FREM3: variants seen among roughly 807,000 people sequenced by gnomAD.
FREM3 encodes the protein FRAS1 related extracellular matrix 3.
Under a neutral mutation model 129.1 loss-of-function variants are expected in FREM3, and 105 were observed. That is an observed-to-expected ratio of 0.81 (90% CI 0.69 to 0.96). The LOEUF is 0.96. Ranked by LOEUF, FREM3 falls within the 40% of genes least tolerant of loss-of-function variation. FREM3 has a pLI of 0.00. For synonymous variants in FREM3, 1,014 were observed against 1,044.9 expected, an observed-to-expected ratio of 0.97 and a Z score of 0.57; for missense variants, 2,593 against 2,666.3, an observed-to-expected ratio of 0.97 and a Z score of 0.61.
intron 2 of FREM3, among the ~76,000 whole-genome samples, chr4:143,656,833 T>C (rs961169525): frequency 6.6e-6 from 1 of 152,186 alleles, no homozygotes; most frequent in African/African-American, 2.4e-5. Context: ...TCAATAAAAC[T>C]GTTAAAAATA....
intron 2 of FREM3, among the ~76,000 whole-genome samples, chr4:143,656,646 G>T (rs939269506): frequency 6.6e-6 from 1 of 152,128 alleles, no homozygotes; most frequent in Non-Finnish European, 1.5e-5. Flanking sequence ...GGTTGCTAAG[G>T]CCGAGAGTAG....
chr4:143,599,803 G>A (rs73852627), intron 6 of FREM3, among the ~76,000 whole-genome samples: 2,931 of 142,960 alleles, frequency 0.021, 92 homozygotes, highest in African/African-American at 0.072. Context: ...CTAGCCTCCA[G>A]GGAAATATCA....
In FREM3 at chr4:143,698,987, A is replaced by G. The variant is rs1578876859; in HGVS notation, c.1689T>C (p.Ser563=). Residue 563 remains serine, a synonymous_variant, in exon 1 of 8, where the codon TCT becomes TCC. Transcript: ENST00000329798. ...SLTEGQVVQI[S]PFVLSATDID... ...TATCAGTAGCACTCAGTACAAAGGG[A>G]GAGATCTGGACCACCTGCCCTTCAG... 7 of 1,537,256 alleles carry G rather than the reference A, an allele frequency of 4.6e-6. No individual in the cohort carries two copies. The highest frequency in any genetic ancestry group is 6.1e-6 in the Non-Finnish European group (7 of 1,146,886).
In FREM3 at chr4:143,677,461, A is replaced by C. The variant is rs187048066; in HGVS notation, c.5275+15652T>G. On this transcript the variant is annotated intron_variant, in intron 2 of 7. Transcript: ENST00000329798. ...AACCCTAGAAGAAAACCTAGGCAAT[A>C]CCATTCAGGACATAGGCATGGGCAA... 5.9e-3 allele frequency among the ~76,000 whole-genome samples: 900 copies of C among 152,334 alleles called. 7 individuals carry two copies. The highest frequency in any genetic ancestry group is 0.016 in the African/African-American group (680 of 41,560).
intron 6 of FREM3, among the ~76,000 whole-genome samples, chr4:143,589,628 G>A (rs546752276): frequency 6.6e-6 from 1 of 152,310 alleles, no homozygotes; most frequent in Non-Finnish European, 1.5e-5. Context: ...CTACCATGCT[G>A]TTTTGGTTAC....
intron 6 of FREM3, among the ~76,000 whole-genome samples, chr4:143,598,565 C>T (rs1328869240): frequency 6.6e-6 from 1 of 152,106 alleles, no homozygotes; most frequent in Non-Finnish European, 1.5e-5. Flanking sequence ...CTCTTCTCCT[C>T]CTTCCTCAAA....
At chr4:143,670,921 G>A (rs1320025609) in intron 2 of FREM3, among the ~76,000 whole-genome samples, 1 of 151,920 alleles carries the variant, frequency 6.6e-6, no homozygotes, top group Non-Finnish European at 1.5e-5. Context: ...CATTTTTATG[G>A]AGAGAAACAT....
intron 6 of FREM3, among the ~76,000 whole-genome samples, chr4:143,607,346 C>A (rs1055077737): frequency 6.6e-6 from 1 of 152,158 alleles, no homozygotes; most frequent in Non-Finnish European, 1.5e-5. Flanking sequence ...CATCCAGACA[C>A]AGCACAAATG....
intron 1 of FREM3, among the ~76,000 whole-genome samples, chr4:143,695,233 C>T (rs747363772): frequency 8.5e-5 from 13 of 152,214 alleles, no homozygotes; most frequent in Non-Finnish European, 1.6e-4. Context: ...GCTGTCCTCC[C>T]GTGTTTAGCA....
At chr4:143,660,670 T>G (rs1220741980) in intron 2 of FREM3, among the ~76,000 whole-genome samples, 1 of 152,172 alleles carries the variant, frequency 6.6e-6, no homozygotes, top group Non-Finnish European at 1.5e-5. Flanking sequence ...TAAATTACCT[T>G]GGGCAGTATG....
Position 143,577,721 on chromosome 4 carries a change from G to C in FREM3, c.6310C>G (p.Leu2104Val). ...ACTGCACCCATAGGCATCTGAAGAA[G>C]TAATTCAAACTTCTCTGGGCCTTCC... Reference protein sequence around the residue: ...TLEGPEKFELLLQMPMGAVLG... With the variant: ...TLEGPEKFELVLQMPMGAVLG... Residue 2104 changes from leucine to valine, a missense_variant, in exon 8 of 8, where the codon CTT becomes GTT. Transcript: ENST00000329798. 1 of 1,537,274 alleles carries C rather than the reference G, an allele frequency of 6.5e-7. No individual in the cohort carries two copies. The highest frequency in any genetic ancestry group is 1.2e-5 in the South Asian group (1 of 84,054).
intron 2 of FREM3, among the ~76,000 whole-genome samples, chr4:143,677,704 A>G (rs982853023): frequency 1.8e-4 from 28 of 152,322 alleles, no homozygotes; most frequent in Middle Eastern, 3.4e-3. Flanking sequence ...CAAGAAAACA[A>G]CAACCCCATC....
chr4:143,657,435 C>T (rs745442826), intron 2 of FREM3, among the ~76,000 whole-genome samples: 58 of 152,178 alleles, frequency 3.8e-4, no homozygotes, highest in Non-Finnish European at 6.5e-4. Flanking sequence ...GCTGTTCAAC[C>T]TCTTCATTTT....
chr4:143,699,345 A>G lies in FREM3; in HGVS notation c.1331T>C (p.Phe444Ser), dbSNP rs1740646676. Reference protein sequence around the residue: ...VASHNRGLVLFEGQSRPLSST... With the variant: ...VASHNRGLVLSEGQSRPLSST... ...GGACAAGGGCCTTGACTGACCTTCA[A>G]AAAGCACAAGTCCCCTGTTATGGCT... is the stretch of plus-strand genomic sequence containing the variant. The change falls in exon 1 of 8, where the codon TTT becomes TCT. Residue 444 changes from phenylalanine to serine, a missense_variant. Coordinates refer to ENST00000329798, the MANE Select transcript of FREM3 (RefSeq NM_001168235.2). The surrounding 1 kb of genome is among the most constrained non-coding windows in gnomAD (Gnocchi z 4.2). 6.5e-7 allele frequency: 1 copy of G among 1,537,240 alleles called. No individual in the cohort carries two copies. The highest frequency in any genetic ancestry group is 8.7e-7 in the Non-Finnish European group (1 of 1,146,932).
In FREM3 at chr4:143,697,172, A is replaced by G. The variant is rs1005638759; in HGVS notation, c.3504T>C (p.Phe1168=). ...GVEPQEDQFT[F]YCSDGINFSP... ...AGAAGTTGATGCCATCAGAGCAATAAAAGGTGAATTGGTCCTCTTGTGGCT... is the reference window on the plus strand; with the variant it reads ...AGAAGTTGATGCCATCAGAGCAATAGAAGGTGAATTGGTCCTCTTGTGGCT... The change falls in exon 1 of 8, where the codon TTT becomes TTC. Residue 1168 remains phenylalanine, a synonymous_variant. Coordinates refer to ENST00000329798, the MANE Select transcript of FREM3 (RefSeq NM_001168235.2). 6 of 1,537,766 alleles carry G rather than the reference A, an allele frequency of 3.9e-6. No homozygotes were observed. The African/African-American group carries it at 6.8e-5, about 18-fold the overall frequency.
chr4:143,700,244 G>C lies in FREM3; in HGVS notation c.432C>G (p.Arg144=). 6.5e-7 allele frequency: 1 copy of C among 1,536,724 alleles called. No individual in the cohort carries two copies. Among genetic ancestry groups the C allele is most frequent in the Non-Finnish European group, 8.7e-7 (1 of 1,146,872 alleles). The change falls in exon 1 of 8, where the codon CGC becomes CGG. Residue 144 remains arginine, a synonymous_variant. Transcript: ENST00000329798. The part of the protein sequence containing the change: ...PGRARVLLQL[R]YDAPTHTLVL... ...CCAGAGTGTGAGTCGGGGCGTCGTA[G>C]CGCAGCTGCAGCAGCACCCGGGCGC...
Position 143,675,526 on chromosome 4 carries a change from G to A in FREM3, c.5275+17587C>T, listed in dbSNP as rs1055480400. Among the ~76,000 whole-genome samples, 90 of 152,224 alleles carry A rather than the reference G, an allele frequency of 5.9e-4. 1 individual carries two copies. The highest frequency in any genetic ancestry group is 1.0e-3 in the Non-Finnish European group (70 of 68,028). ...ACATTCAAAAGCTAGCAGAAGGCAA[G>A]AAATAACTAAGATCAGAGCAGAACT... On this transcript the variant is annotated intron_variant, in intron 2 of 7. Transcript: ENST00000329798.
chr4:143,689,358 T>C (rs1740423982), intron 2 of FREM3, among the ~76,000 whole-genome samples: 1 of 151,880 alleles, frequency 6.6e-6, no homozygotes, highest in Admixed American at 6.6e-5. Context: ...ATGGCAATAA[T>C]CAAAAAAATA....
At chr4:143,672,009 A>G (rs6840604) in intron 2 of FREM3, among the ~76,000 whole-genome samples, 11,071 of 152,210 alleles carry the variant, frequency 0.073, 1,076 homozygotes, top group African/African-American at 0.21. Context: ...ATCATGTGAC[A>G]TAGAGTTGTC....
Sources: gnomAD v4.1 joint callset for allele counts (sites outside exome capture counted in the v4.1 genomes callset) on GRCh38, gnomAD v4.1.1 for gene constraint, Gnocchi (gnomAD v3.1) non-coding constraint, MANE v1.5 for transcripts, NCBI Gene and HGNC (gene_info 2026-07-23, HGNC 2026-07-21) for gene names.